Variants in TSPAN2 observed in about 807,000 individuals in gnomAD.
TSPAN2 encodes tetraspanin 2.
A neutral mutation model predicts 33.3 loss-of-function variants in TSPAN2; 24 were observed. The ratio of observed to expected loss-of-function variants is 0.72; its 90% CI spans 0.52 to 1.01. TSPAN2 has a LOEUF of 1.01. TSPAN2 is among the 50% of genes least tolerant of loss of function. The pLI, the probability that TSPAN2 is intolerant of heterozygous loss-of-function variation, is 0.00. For synonymous variants in TSPAN2, 114 were observed against 104.5 expected (o/e 1.09, Z -0.56); for missense variants, 278 against 281.3 (o/e 0.99, Z 0.08).
At chr1:115,055,301 T>C (rs1415672618) in intron 6 of TSPAN2, among the ~76,000 whole-genome samples, 11 of 150,080 alleles carry the variant, frequency 7.3e-5, no homozygotes, top group African/African-American at 2.7e-4. Context: ...AAGGAATACA[T>C]GCTTCTTGTA....
rs1648531681 is a variant in TSPAN2 at position 115,079,197 on chromosome 1, A to C, written c.70-6190T>G. ...CATGCTGCACTCAAATGAAAGAATGAACAAAATCAATTCTGTATTCTTGCT... is the reference window on the plus strand; with the variant it reads ...CATGCTGCACTCAAATGAAAGAATGCACAAAATCAATTCTGTATTCTTGCT... On this transcript the variant is annotated intron_variant, in intron 1 of 7. Coordinates refer to ENST00000369516, the MANE Select transcript of TSPAN2 (RefSeq NM_005725.6). Among the ~76,000 whole-genome samples, 8 of 151,936 alleles carry C rather than the reference A, an allele frequency of 5.3e-5. No individual in the cohort carries two copies. In the South Asian group the frequency reaches 1.7e-3, roughly 31 times the overall value.
At chr1:115,055,610 G>C (rs1647388634) in intron 6 of TSPAN2, among the ~76,000 whole-genome samples, 1 of 151,698 alleles carries the variant, frequency 6.6e-6, no homozygotes, top group South Asian at 2.1e-4. Flanking sequence ...TGCAACCTCT[G>C]CCTCCCAGGT....
intron 4 of TSPAN2, 93 bp downstream of exon 4, chr1:115,060,371 T>C: frequency 9.9e-7 from 1 of 1,009,536 alleles, no homozygotes; most frequent in Non-Finnish European, 1.5e-6. Context: ...ACTATAATAA[T>C]GGGGATTATT....
chr1:115,057,280 C>T (rs980162969), intron 6 of TSPAN2, among the ~76,000 whole-genome samples: 8 of 152,154 alleles, frequency 5.3e-5, no homozygotes, highest in African/African-American at 1.7e-4. Context: ...AATGGATTCT[C>T]CTCTCTTCTC....
intron 1 of TSPAN2, among the ~76,000 whole-genome samples, chr1:115,077,241 C>T (rs547997564): frequency 1.3e-5 from 2 of 151,488 alleles, no homozygotes; most frequent in South Asian, 2.1e-4. Flanking sequence ...TTCTGAGGAC[C>T]GGTTGTATGT....
rs138711253 is a variant in TSPAN2 at position 115,050,346 on chromosome 1, A to G, written c.*144T>C. 7.4e-3 allele frequency: 5,540 copies of G among 750,758 alleles called. 60 individuals carry two copies. The highest frequency in any genetic ancestry group is 0.024 in the Middle Eastern group (87 of 3,624). 46.5% of individuals were successfully genotyped at this position (750,758 alleles called of 1,614,324 possible). A position where few individuals can be genotyped will look rare whatever the true frequency, so the allele number is the denominator to read the frequency against. ...AAGGGGTAAACCAGTAATGAGCCAAACATACGTACTCATGCAAATGTACAA... is the reference window on the plus strand; with the variant it reads ...AAGGGGTAAACCAGTAATGAGCCAAGCATACGTACTCATGCAAATGTACAA... On this transcript the variant is annotated 3_prime_UTR_variant, in exon 8 of 8. Transcript: ENST00000369516.
At chr1:115,065,942 C>T (rs1193793134) in intron 2 of TSPAN2, among the ~76,000 whole-genome samples, 1 of 152,156 alleles carries the variant, frequency 6.6e-6, no homozygotes, top group Non-Finnish European at 1.5e-5. Flanking sequence ...ATCAGTCTAC[C>T]CTCGGCCTCC....
rs963745665 is a variant in TSPAN2 at position 115,080,838 on chromosome 1, C to T, written c.70-7831G>A. Among the ~76,000 whole-genome samples, 8 of 152,330 alleles carry T rather than the reference C, an allele frequency of 5.3e-5. No homozygotes were observed. The South Asian group carries it at 8.3e-4, about 16-fold the overall frequency. ...CATCCAGCTGGCTCTCATCCTAGGCCTGCCCTCTGCATATATAATCACTTA... is the reference window on the plus strand; with the variant it reads ...CATCCAGCTGGCTCTCATCCTAGGCTTGCCCTCTGCATATATAATCACTTA... On this transcript the variant is annotated intron_variant, in intron 1 of 7. Transcript: ENST00000369516.
Position 115,070,628 on chromosome 1 carries a change from C to T in TSPAN2, c.172+2277G>A, listed in dbSNP as rs373603807. On this transcript the variant is annotated intron_variant, in intron 2 of 7. Coordinates refer to ENST00000369516, the MANE Select transcript of TSPAN2 (RefSeq NM_005725.6). ...CCCAGCCCCTCCCAGCTTGCTAATCCCTCCCCACAGCCATTCTTTGTGCAT... is the reference window on the plus strand; with the variant it reads ...CCCAGCCCCTCCCAGCTTGCTAATCTCTCCCCACAGCCATTCTTTGTGCAT... Among the ~76,000 whole-genome samples, 15 of 152,104 alleles carry T rather than the reference C, an allele frequency of 9.9e-5. 1 individual carries two copies. In the East Asian group the frequency reaches 1.9e-3, roughly 20 times the overall value.
chr1:115,086,278 G>A (rs1057318747), intron 1 of TSPAN2, among the ~76,000 whole-genome samples: 14 of 152,206 alleles, frequency 9.2e-5, no homozygotes, highest in African/African-American at 3.1e-4. Context: ...AAGCCTAGAA[G>A]TAACAATAAC....
chr1:115,078,597 A>C (rs1265400919), intron 1 of TSPAN2, among the ~76,000 whole-genome samples: 1 of 152,110 alleles, frequency 6.6e-6, no homozygotes, highest in Non-Finnish European at 1.5e-5. Flanking sequence ...CTGTCTCTCC[A>C]CCATATGAAG....
chr1:115,072,989 T>C lies in TSPAN2; in HGVS notation c.88A>G (p.Ile30Val), dbSNP rs1304470537. Residue 30 changes from isoleucine (I) to valine (V), a missense_variant, in exon 2 of 8, where the codon ATT (isoleucine) becomes GTT (valine). By Grantham distance (29) the Ile-to-Val change is conservative. Transcript: ENST00000369516. Reference protein sequence around the residue: ...LLFWLAGSAVIAFGLWFRFGG... With the variant: ...LLFWLAGSAVVAFGLWFRFGG... ...AACCGAAACCATAGTCCAAAAGCAA[T>C]GACGGCCGATCCAGCCAGCTGGAAG... 6 of 1,614,090 alleles carry C rather than the reference T, an allele frequency of 3.7e-6. No homozygotes were observed. Among genetic ancestry groups the C allele is most frequent in the East Asian group, 2.2e-5 (1 of 44,882 alleles).
intron 3 of TSPAN2, among the ~76,000 whole-genome samples, chr1:115,061,644 A>G (rs1258321945): frequency 1.3e-5 from 2 of 152,132 alleles, no homozygotes; most frequent in African/African-American, 4.8e-5. Context: ...CACTTCCCAT[A>G]TAAGGCAGGA....
chr1:115,059,987 T>C (rs754499806), intron 4 of TSPAN2, among the ~76,000 whole-genome samples: 8 of 152,188 alleles, frequency 5.3e-5, no homozygotes, highest in Non-Finnish European at 1.2e-4. Flanking sequence ...CCCGATAACC[T>C]ATTCTGGACA....
chr1:115,062,277 G>T, intron 2 of TSPAN2, 45 bp from the exon 3 acceptor site: 2 of 1,487,596 alleles, frequency 1.3e-6, no homozygotes, highest in African/African-American at 1.4e-5. Flanking sequence ...CCAACCGAGT[G>T]CCTCCACGAC....
chr1:115,069,421 G>C (rs1648077004), intron 2 of TSPAN2, among the ~76,000 whole-genome samples: 1 of 152,204 alleles, frequency 6.6e-6, no homozygotes, highest in South Asian at 2.1e-4. Flanking sequence ...CTGCCAACGA[G>C]AGTTAGGCCT....
intron 1 of TSPAN2, among the ~76,000 whole-genome samples, chr1:115,083,526 C>A (rs1380455603): frequency 6.6e-6 from 1 of 152,210 alleles, no homozygotes. Context: ...CTGACCTCTT[C>A]AGGCCACATC....
At chr1:115,078,754 G>A (rs530475147) in intron 1 of TSPAN2, among the ~76,000 whole-genome samples, 2 of 152,294 alleles carry the variant, frequency 1.3e-5, no homozygotes, top group East Asian at 1.9e-4. Flanking sequence ...ACCCCACTCT[G>A]TGGTATTATA....
intron 1 of TSPAN2, 33 bp downstream of exon 1, chr1:115,089,331 G>C: frequency 6.5e-7 from 1 of 1,538,844 alleles, no homozygotes; most frequent in East Asian, 2.5e-5. Context: ...CCGGCCCCCT[G>C]CCCTGACCGG....
Sources: allele counts gnomAD v4.1 joint callset (sites outside exome capture counted in the v4.1 genomes callset), GRCh38; gene constraint gnomAD v4.1.1; transcripts MANE v1.5; gene names NCBI Gene and HGNC (gene_info 2026-07-23, HGNC 2026-07-21).